KIF13B: variants seen among roughly 807,000 people sequenced by gnomAD.
The protein encoded by KIF13B is kinesin family member 13B, also known as kinesin-like protein KIF13B.
Under a neutral mutation model 222.0 loss-of-function variants are expected in KIF13B, and 127 were observed. The observed-to-expected ratio is 0.57, with a 90% CI of 0.50 to 0.66. KIF13B has a LOEUF of 0.66. Ranked by LOEUF, KIF13B falls within the 30% of genes least tolerant of loss-of-function variation. The pLI is 0.00. For synonymous variants in KIF13B, 976 were observed against 919.0 expected, an observed-to-expected ratio of 1.06 and a Z score of -1.12; for missense variants, 2,173 against 2,379.0, an observed-to-expected ratio of 0.91 and a Z score of 1.80.
At chr8:29,109,191 A>C (rs2133607926) in intron 34 of KIF13B, among the ~76,000 whole-genome samples, 2 of 152,328 alleles carry the variant, frequency 1.3e-5, no homozygotes, top group East Asian at 3.9e-4. Flanking sequence ...TATGCTAGGC[A>C]GTGGTGATCG....
chr8:29,189,483 T>A (rs1050945798), intron 4 of KIF13B: 1 of 152,222 alleles, frequency 6.6e-6, no homozygotes, highest in Non-Finnish European at 1.5e-5. Context: ...AATCAAAGGC[T>A]GTCACTGCAG....
At chr8:29,262,773 A>C (rs1816731145) in intron 1 of KIF13B, among the ~76,000 whole-genome samples, 1 of 143,382 alleles carries the variant, frequency 7.0e-6, no homozygotes, top group East Asian at 2.2e-4. Flanking sequence ...GGCGCCAGGG[A>C]CGGGGCTGGC....
intron 36 of KIF13B, 40 bp from the exon 37 acceptor site, chr8:29,092,918 T>C (rs1275610877): frequency 1.9e-6 from 3 of 1,544,920 alleles, no homozygotes; most frequent in Non-Finnish European, 1.8e-6. Flanking sequence ...ACAAATACAA[T>C]TACATAGACA....
chr8:29,162,304 A>G (rs1203798188), intron 12 of KIF13B, among the ~76,000 whole-genome samples: 2 of 152,254 alleles, frequency 1.3e-5, no homozygotes, highest in Non-Finnish European at 2.9e-5. Context: ...TAGGCATGCC[A>G]TCGTAATTTA....
intron 3 of KIF13B, among the ~76,000 whole-genome samples, 160 bp downstream of exon 3, chr8:29,196,027 T>C (rs1813403766): frequency 6.6e-6 from 1 of 152,240 alleles, no homozygotes. Flanking sequence ...GCCCTTCCCA[T>C]GCCAATAAAT....
chr8:29,166,816 A>AT (rs1181840676), intron 11 of KIF13B, among the ~76,000 whole-genome samples: 6 of 152,204 alleles, frequency 3.9e-5, no homozygotes, highest in Non-Finnish European at 8.8e-5. Context: ...AAATTTATTA[A>AT]TGCAACATTA....
intron 2 of KIF13B, among the ~76,000 whole-genome samples, chr8:29,226,127 T>C (rs2130558197): frequency 6.6e-6 from 1 of 152,290 alleles, no homozygotes; most frequent in South Asian, 2.1e-4. Context: ...GATTCATCTT[T>C]GATGTAAAAT....
At chr8:29,074,044 T>C (rs1237529099) in intron 38 of KIF13B, among the ~76,000 whole-genome samples, 1 of 152,182 alleles carries the variant, frequency 6.6e-6, no homozygotes, top group Non-Finnish European at 1.5e-5. Flanking sequence ...TACGCAAAAC[T>C]ATGAGAGCCG....
In KIF13B at chr8:29,109,505, C is replaced by A; in HGVS notation, c.4090G>T (p.Ala1364Ser). 1 of 1,613,222 alleles carries A rather than the reference C, an allele frequency of 6.2e-7. No homozygotes were observed. Among genetic ancestry groups the A allele is most frequent in the Non-Finnish European group, 8.5e-7 (1 of 1,179,168 alleles). ...TTTCCTGTTAACTGTTCCTTCACTG[C>A]AACTTCCTGTGAATCAGAAAACATA... ...LTLDRLRQEV[A>S]VKEQLTGKGK... Residue 1364 changes from alanine (A) to serine (S), a missense_variant, in exon 34 of 40, where the codon GCA becomes TCA. Ala to Ser is a moderately conservative substitution (Grantham distance 99, BLOSUM62 1). Transcript: ENST00000524189.
At chr8:29,219,107 C>T (rs1235006979) in intron 2 of KIF13B, 1 of 152,192 alleles carries the variant, frequency 6.6e-6, no homozygotes, top group Non-Finnish European at 1.5e-5. Context: ...CTACATGGAA[C>T]ACAAAAAAGA....
At chr8:29,108,242 C>T (rs764550841) in intron 34 of KIF13B, 50 bp from the exon 35 acceptor site, 14 of 1,562,386 alleles carry the variant, frequency 9.0e-6, no homozygotes, top group South Asian at 2.3e-5. Context: ...AGAGCATACA[C>T]GTGGTCTAGG....
chr8:29,139,033 T>C (rs945354341), intron 21 of KIF13B, among the ~76,000 whole-genome samples: 3 of 151,814 alleles, frequency 2.0e-5, no homozygotes, highest in Middle Eastern at 3.2e-3. Context: ...GTGCCTGGGG[T>C]GCTAAGGGAG....
chr8:29,162,055 T>C (rs1224645653), intron 12 of KIF13B, among the ~76,000 whole-genome samples: 1 of 152,182 alleles, frequency 6.6e-6, no homozygotes, highest in Non-Finnish European at 1.5e-5. Flanking sequence ...ATACAATATA[T>C]GAACATCTGT....
intron 18 of KIF13B, chr8:29,145,940 A>G (rs1481586544): frequency 4.4e-6 from 1 of 227,454 alleles, no homozygotes; most frequent in Admixed American, 5.2e-5. Context: ...TATACATGAC[A>G]CCATGACACA....
chr8:29,191,583 G>T (rs1813190265), intron 3 of KIF13B, among the ~76,000 whole-genome samples: 1 of 152,270 alleles, frequency 6.6e-6, no homozygotes, highest in East Asian at 1.9e-4. Flanking sequence ...AGTTATAAAA[G>T]TCTAGAGTAT....
intron 12 of KIF13B, 51 bp downstream of exon 12, chr8:29,165,611 T>C (rs1249075259): frequency 8.6e-7 from 1 of 1,159,114 alleles, no homozygotes; most frequent in East Asian, 2.3e-5. Flanking sequence ...TGTGTCCCAT[T>C]GTGCAAACTG....
At chr8:29,101,680 C>A (rs1232536741) in intron 35 of KIF13B, among the ~76,000 whole-genome samples, 1 of 152,204 alleles carries the variant, frequency 6.6e-6, no homozygotes. Flanking sequence ...GCTCACTCTG[C>A]CCTCTACCTG....
At chr8:29,221,994 G>T (rs571600460) in intron 2 of KIF13B, among the ~76,000 whole-genome samples, 125 of 151,970 alleles carry the variant, frequency 8.2e-4, no homozygotes, top group Admixed American at 2.0e-3. Context: ...ATTCCCCAAA[G>T]AATTTTGTTC....
At chr8:29,263,085 C>G, upstream of KIF13B, 10 of 1,526,532 alleles carry the variant, frequency 6.6e-6, no homozygotes, top group South Asian at 1.2e-4. Flanking sequence ...CGGCCACCGG[C>G]GACTCTTCGG....
Sources: allele counts gnomAD v4.1 joint callset (sites outside exome capture counted in the v4.1 genomes callset), GRCh38; gene constraint gnomAD v4.1.1; transcripts MANE v1.5; gene names NCBI Gene and HGNC (gene_info 2026-07-23, HGNC 2026-07-21).